Variants in PHTF1 observed in about 807,000 individuals in gnomAD.
PHTF1 encodes putative homeodomain transcription factor 1, also known as protein PHTF1.
Under a neutral mutation model 102.4 loss-of-function variants are expected in PHTF1, and 88 were observed. That is an observed-to-expected ratio of 0.86 (90% CI 0.72 to 1.03). The LOEUF is 1.03. PHTF1 is among the 50% of genes least tolerant of loss of function. PHTF1 has a pLI of 0.00. For synonymous variants in PHTF1, 289 were observed against 305.2 expected (o/e 0.95, Z 0.55); for missense variants, 814 against 909.5 (o/e 0.89, Z 1.35).
intron 3 of PHTF1, among the ~76,000 whole-genome samples, chr1:113,746,137 T>C (rs748382735): frequency 6.6e-5 from 10 of 152,146 alleles, no homozygotes; most frequent in Non-Finnish European, 1.5e-4. Flanking sequence ...ACATAAGCAA[T>C]AGTTTGCCAA....
At chr1:113,725,180 A>G (rs1400182837) in intron 6 of PHTF1, among the ~76,000 whole-genome samples, 1 of 152,212 alleles carries the variant, frequency 6.6e-6, no homozygotes, top group Non-Finnish European at 1.5e-5. Flanking sequence ...GAGTCTGTTC[A>G]GGCACATTCA....
At chr1:113,716,342 CTTTTT>C (rs1180513920) in intron 7 of PHTF1, among the ~76,000 whole-genome samples, 3 of 120,956 alleles carry the variant, frequency 2.5e-5, no homozygotes, top group Non-Finnish European at 3.4e-5. Flanking sequence ...TTATTTTTCC[CTTTTT>C]TTTTTTTTTT....
intron 5 of PHTF1, among the ~76,000 whole-genome samples, chr1:113,736,527 C>T (rs1196960599): frequency 6.6e-6 from 1 of 151,408 alleles, no homozygotes. Context: ...GGTGGATCAC[C>T]GGAGGTCAGG....
upstream of PHTF1, among the ~76,000 whole-genome samples, chr1:113,759,838 A>G (rs946955975): frequency 2.0e-5 from 3 of 152,194 alleles, no homozygotes; most frequent in South Asian, 2.1e-4. Context: ...TGTGGGCTCC[A>G]TGAGGTCAGA....
chr1:113,708,370 A>G (rs1650528672), intron 11 of PHTF1, among the ~76,000 whole-genome samples: 1 of 152,238 alleles, frequency 6.6e-6, no homozygotes, highest in Admixed American at 6.5e-5. Flanking sequence ...TCACGCCTGT[A>G]GTCCCAGTAC....
chr1:113,740,260 C>G (rs894357117), intron 3 of PHTF1, among the ~76,000 whole-genome samples: 1 of 152,020 alleles, frequency 6.6e-6, no homozygotes, highest in African/African-American at 2.4e-5. Context: ...TGATAATAGC[C>G]ATTCTAATTA....
rs547296068 is a variant in PHTF1 at position 113,706,263 on chromosome 1, A to G, written c.1399-101T>C. On this transcript the variant is annotated intron_variant, in intron 12 of 18. Coordinates refer to ENST00000369604, the MANE Select transcript of PHTF1 (RefSeq NM_001323043.2). ...ATTTAGACTATTAAAAACACATTCTAAAAGTATAAATACAAATGACATACA... is the reference window on the plus strand; with the variant it reads ...ATTTAGACTATTAAAAACACATTCTGAAAGTATAAATACAAATGACATACA... 54 of 1,002,660 alleles carry G rather than the reference A, an allele frequency of 5.4e-5. No individual in the cohort carries two copies. In the African/African-American group the frequency reaches 7.6e-4, roughly 14 times the overall value. 62.1% of individuals were successfully genotyped at this position (1,002,660 alleles called of 1,614,324 possible). A position where few individuals can be genotyped will look rare whatever the true frequency, so the allele number is the denominator to read the frequency against.
intron 3 of PHTF1, among the ~76,000 whole-genome samples, chr1:113,754,303 C>T (rs1214407079): frequency 1.3e-5 from 2 of 151,720 alleles, no homozygotes; most frequent in African/African-American, 2.4e-5. Context: ...CCCAGTTACT[C>T]AGGAGGCTAA....
chr1:113,699,043 C>G (rs953622797), intron 17 of PHTF1: 2 of 161,042 alleles, frequency 1.2e-5, no homozygotes, highest in Admixed American at 1.3e-4. Flanking sequence ...ATCAAAGGTG[C>G]CCTTGGCAAA....
intron 10 of PHTF1, among the ~76,000 whole-genome samples, chr1:113,711,086 T>C (rs1315205944): frequency 6.6e-6 from 1 of 152,120 alleles, no homozygotes; most frequent in African/African-American, 2.4e-5. Context: ...CACACCAAGA[T>C]GACCCACTCA....
intron 7 of PHTF1, among the ~76,000 whole-genome samples, chr1:113,720,976 C>T (rs1419289567): frequency 6.6e-6 from 1 of 152,220 alleles, no homozygotes; most frequent in East Asian, 1.9e-4. Flanking sequence ...TGTGGTGGCA[C>T]ATGCCTGTGG....
intron 12 of PHTF1, 108 bp from the exon 13 acceptor site, chr1:113,706,270 T>A: frequency 4.2e-6 from 4 of 949,862 alleles, no homozygotes; most frequent in Non-Finnish European, 6.2e-6. Context: ...TCTAAAAGTA[T>A]AAATACAAAT....
chr1:113,741,268 C>T (rs1380048415), intron 3 of PHTF1, among the ~76,000 whole-genome samples: 1 of 151,850 alleles, frequency 6.6e-6, no homozygotes, highest in South Asian at 2.1e-4. Flanking sequence ...GTAGATTTTA[C>T]AGAAAAATGT....
chr1:113,724,698 A>T, intron 7 of PHTF1, 61 bp downstream of exon 7: 1 of 1,353,820 alleles, frequency 7.4e-7, no homozygotes, highest in East Asian at 2.3e-5. Flanking sequence ...CTATGGCCTG[A>T]TGATACTATA....
intron 3 of PHTF1, among the ~76,000 whole-genome samples, chr1:113,744,652 T>C (rs1021938576): frequency 2.6e-5 from 4 of 152,252 alleles, no homozygotes; most frequent in Non-Finnish European, 4.4e-5. Flanking sequence ...ACATGTGATA[T>C]AGCAAAATGA....
At chr1:113,727,919 G>T (rs1048217779) in intron 5 of PHTF1, among the ~76,000 whole-genome samples, 1 of 152,102 alleles carries the variant, frequency 6.6e-6, no homozygotes, top group African/African-American at 2.4e-5. Flanking sequence ...GCTGTAGTGA[G>T]CCAAGATCAC....
rs1171132161 is a variant in PHTF1, at chr1:113,697,574, C to T, written c.*131G>A. On this transcript the variant is annotated 3_prime_UTR_variant, in exon 19 of 19. Transcript: ENST00000369604. ...CTCCTCCGGAAACACCATTCATTCG[C>T]TTTGGCAGAGCTGAGAGCACCTGTG... 9.2e-6 allele frequency: 6 copies of T among 649,370 alleles called. No homozygotes were observed. Among genetic ancestry groups the T allele is most frequent in the African/African-American group, 1.9e-5 (1 of 53,166 alleles). The allele number at this position is 649,370 out of a possible 1,614,324, so 40.2% of individuals were successfully genotyped here.
intron 15 of PHTF1, among the ~76,000 whole-genome samples, chr1:113,703,632 A>T (rs904707749): frequency 3.9e-5 from 6 of 152,224 alleles, no homozygotes; most frequent in African/African-American, 9.6e-5. Flanking sequence ...AAGTGCTGGG[A>T]TTACAGGTGT....
chr1:113,729,115 GCAA>G (rs1654257707), intron 5 of PHTF1, among the ~76,000 whole-genome samples: 1 of 152,198 alleles, frequency 6.6e-6, no homozygotes. Flanking sequence ...TCTGTCATTT[GCAA>G]CAACATGGAT....
Sources: allele counts gnomAD v4.1 joint callset (sites outside exome capture counted in the v4.1 genomes callset), GRCh38; gene constraint gnomAD v4.1.1; transcripts MANE v1.5; gene names NCBI Gene and HGNC (gene_info 2026-07-23, HGNC 2026-07-21).